The following USP49 variants were observed in gnomAD, a reference collection of about 807,000 sequenced individuals.
The protein encoded by USP49 is ubiquitin specific peptidase 49.
In USP49, 24 loss-of-function variants were observed where a neutral mutation model predicts 58.6. That is an observed-to-expected ratio of 0.41 (90% CI 0.30 to 0.58). USP49 has a LOEUF of 0.58. Ranked by LOEUF, USP49 falls within the 20% of genes least tolerant of loss-of-function variation. USP49 has a pLI of 0.30. For synonymous variants in USP49, 408 were observed against 365.1 expected (o/e 1.12, Z -1.34); for missense variants, 703 against 866.1 (o/e 0.81, Z 2.36).
chr6:41,803,942 G>A lies in USP49; in HGVS notation c.1425C>T (p.Phe475=), dbSNP rs1561903133. The A allele has an allele frequency of 6.2e-7, 1 of 1,614,112 alleles. No homozygotes were observed. Among genetic ancestry groups the A allele is most frequent in the Admixed American group, 1.7e-5 (1 of 60,018 alleles). The change falls in exon 5 of 8, where the codon TTC becomes TTT. Residue 475 remains phenylalanine (F), a synonymous_variant. Transcript: ENST00000682992. The surrounding 1 kb of genome is among the most constrained non-coding windows in gnomAD (Gnocchi z 4.1). The part of the protein sequence containing the change: ...IEPFWDLSLE[F]PERYHCIEKG... The stretch of plus-strand genomic sequence containing the variant: ...TTTCTATGCAGTGATAGCGTTCAGG[G>A]AATTCCAGGGATAGGTCCCAAAAGG...
At chr6:41,849,441 CA>C (rs1386751869) in intron 3 of USP49, among the ~76,000 whole-genome samples, 1 of 151,972 alleles carries the variant, frequency 6.6e-6, no homozygotes, top group Non-Finnish European at 1.5e-5. Flanking sequence ...CATTATACAC[CA>C]AATGGACCTA....
Position 41,806,019 on chromosome 6 carries a change from G to C in USP49, c.965C>G (p.Ala322Gly). The change falls in exon 4 of 8, where the codon GCC (alanine) becomes GGC (glycine). Residue 322 changes from alanine (A) to glycine (G), a missense_variant. Ala to Gly is a moderately conservative substitution (Grantham distance 60). Around this residue, in one of 6 missense-constraint regions of USP49, gnomAD observed 97 missense variants for 88.0 expected, o/e 1.10. Transcript: ENST00000682992. This position sits in a 1 kb window ranked among gnomAD's most constrained non-coding sequence, Gnocchi z 5.9. ...ATELSLRNDR[A>G]EACEREGFCW... ...GAAGCCCTCCCGCTCGCATGCCTCG[G>C]CCCTGTCATTTCTCAAGGACAGCTC... is the stretch of plus-strand genomic sequence containing the variant. 6.2e-7 allele frequency: 1 copy of C among 1,613,938 alleles called. No individual in the cohort carries two copies. The highest frequency in any genetic ancestry group is 8.5e-7 in the Non-Finnish European group (1 of 1,180,030).
intron 3 of USP49, among the ~76,000 whole-genome samples, chr6:41,854,470 G>A (rs1004457186): frequency 6.6e-6 from 1 of 151,996 alleles, no homozygotes; most frequent in African/African-American, 2.4e-5. Flanking sequence ...TCTACCAGTC[G>A]AGATGAATGA....
At chr6:41,886,863 C>T (rs887840940) in intron 2 of USP49, among the ~76,000 whole-genome samples, 1 of 152,214 alleles carries the variant, frequency 6.6e-6, no homozygotes, top group African/African-American at 2.4e-5. Context: ...CGCACCACTG[C>T]ACTCCAGCCT....
intron 3 of USP49, among the ~76,000 whole-genome samples, chr6:41,871,237 T>C (rs1464496516): frequency 1.3e-5 from 2 of 152,122 alleles, no homozygotes; most frequent in Non-Finnish European, 2.9e-5. Context: ...GGGTAGATAA[T>C]TACTCTTGAC....
Position 41,790,697 on chromosome 6 carries a change from T to C in USP49, c.*5836A>G, listed in dbSNP as rs1362692661. ...CAGGACAAAATAGTCTTTCCTGACC[T>C]TGCTGGCATAAATATTAAGAAAATT... On this transcript the variant is annotated 3_prime_UTR_variant, in exon 8 of 8. Coordinates refer to ENST00000682992, the MANE Select transcript of USP49 (RefSeq NM_001286554.2). The C allele has an allele frequency of 3.3e-5, 5 of 152,224 alleles. No homozygotes were observed. The highest frequency in any genetic ancestry group is 7.3e-5 in the Non-Finnish European group (5 of 68,030). The allele number at this position is 152,224 out of a possible 1,614,324, so 9.4% of individuals were successfully genotyped here.
chr6:41,806,388 T>C lies in USP49; in HGVS notation c.596A>G (p.Glu199Gly), dbSNP rs1299014118. Reference protein sequence around the residue: ...RREVKRRLLEELASTPPRKSA... With the variant: ...RREVKRRLLEGLASTPPRKSA... Reference sequence around the variant, plus strand: ...CTTGCGCGGAGGGGTGCTGGCCAGCTCCTCCAGCAGCCGCCGTTTCACCTC... The same window carrying C: ...CTTGCGCGGAGGGGTGCTGGCCAGCCCCTCCAGCAGCCGCCGTTTCACCTC... Residue 199 changes from glutamate (E) to glycine (G), a missense_variant, in exon 4 of 8, where the codon GAG becomes GGG. Coordinates refer to ENST00000682992, the MANE Select transcript of USP49 (RefSeq NM_001286554.2). This position sits in a 1 kb window ranked among gnomAD's most constrained non-coding sequence, Gnocchi z 5.9. 1 of 1,552,164 alleles carries C rather than the reference T, an allele frequency of 6.4e-7. No homozygotes were observed. Among genetic ancestry groups the C allele is most frequent in the South Asian group, 1.2e-5 (1 of 83,064 alleles).
chr6:41,877,517 C>A (rs555371256), intron 2 of USP49, among the ~76,000 whole-genome samples: 1 of 151,480 alleles, frequency 6.6e-6, no homozygotes, highest in Admixed American at 6.6e-5. Flanking sequence ...GTACAAAGGA[C>A]ATATTAATAT....
intron 2 of USP49, among the ~76,000 whole-genome samples, chr6:41,883,764 A>G (rs775165479): frequency 5.2e-4 from 79 of 152,176 alleles, no homozygotes; most frequent in Non-Finnish European, 1.1e-3. Context: ...AGCTTATACA[A>G]CCATTCAACA....
In USP49 at chr6:41,802,228, A is replaced by C. The variant is rs1035185567; in HGVS notation, c.1561+1578T>G. ...TCCCTAAAAGAGGTCTTGCTATGCC[A>C]CCAGGCTGGTCTCAAACTCCTGGCT... On this transcript the variant is annotated intron_variant, in intron 5 of 7. Transcript: ENST00000682992. Among the ~76,000 whole-genome samples the C allele has an allele frequency of 7.9e-5, 12 of 151,588 alleles. No homozygotes were observed. The East Asian group carries it at 1.5e-3, about 20-fold the overall frequency.
intron 3 of USP49, among the ~76,000 whole-genome samples, chr6:41,840,549 AAG>A (rs1370877183): frequency 6.6e-6 from 1 of 152,108 alleles, no homozygotes; most frequent in Non-Finnish European, 1.5e-5. Context: ...GGAAATGGGA[AAG>A]AGAGGAGGAA....
At chr6:41,825,333 GA>G (rs1156786538) in intron 3 of USP49, among the ~76,000 whole-genome samples, 2 of 151,670 alleles carry the variant, frequency 1.3e-5, no homozygotes, top group Admixed American at 6.6e-5. Flanking sequence ...TTGACAGAAA[GA>G]AACTGAAGAG....
At chr6:41,883,454 C>T (rs1774650298) in intron 2 of USP49, among the ~76,000 whole-genome samples, 1 of 149,076 alleles carries the variant, frequency 6.7e-6, no homozygotes, top group African/African-American at 2.5e-5. Flanking sequence ...GTCAGGAGTT[C>T]GAAACCAGCC....
intron 3 of USP49, among the ~76,000 whole-genome samples, chr6:41,831,641 A>G (rs1470724086): frequency 6.6e-6 from 1 of 151,792 alleles, no homozygotes; most frequent in Non-Finnish European, 1.5e-5. Flanking sequence ...ATTTTTCTTC[A>G]CCACTAACTC....
rs1774130229 is a variant in USP49, at chr6:41,856,291, C to T, written c.-29+15273G>A. ...TCGGAAGGCTGAGTCAGGAGAATGGCGTGAACTCGGGAGGCGGAGCTTGCA... is the reference window on the plus strand; with the variant it reads ...TCGGAAGGCTGAGTCAGGAGAATGGTGTGAACTCGGGAGGCGGAGCTTGCA... On this transcript the variant is annotated intron_variant, in intron 3 of 7. Transcript: ENST00000682992. Among the ~76,000 whole-genome samples the T allele has an allele frequency of 2.6e-5, 4 of 151,262 alleles. No homozygotes were observed. The South Asian group carries it at 8.4e-4, about 32-fold the overall frequency.
At chr6:41,854,038 C>T (rs1353748982) in intron 3 of USP49, among the ~76,000 whole-genome samples, 2 of 148,182 alleles carry the variant, frequency 1.3e-5, no homozygotes, top group Non-Finnish European at 3.0e-5. Context: ...CAGGGTAGGC[C>T]AGGAGGGGTG....
chr6:41,802,427 A>ATTTT (rs376541033), intron 5 of USP49, among the ~76,000 whole-genome samples: 5 of 81,196 alleles, frequency 6.2e-5, no homozygotes, highest in Non-Finnish European at 8.3e-5. Context: ...ATTTTATTTT[A>ATTTT]TTTTATTTAT....
chr6:41,874,719 T>C (rs1041299015), intron 2 of USP49, among the ~76,000 whole-genome samples: 1 of 152,108 alleles, frequency 6.6e-6, no homozygotes, highest in Non-Finnish European at 1.5e-5. Flanking sequence ...TCCCAGCACT[T>C]TGGGAGGCCA....
chr6:41,820,518 TAG>T (rs1179975126), intron 3 of USP49, among the ~76,000 whole-genome samples: 1 of 151,952 alleles, frequency 6.6e-6, no homozygotes, highest in African/African-American at 2.4e-5. Context: ...GATATATTTA[TAG>T]GTGAAATATT....
Sources: allele counts gnomAD v4.1 joint callset (sites outside exome capture counted in the v4.1 genomes callset), GRCh38; gene constraint gnomAD v4.1.1; regional missense constraint gnomAD v4.1.1; non-coding constraint Gnocchi (gnomAD v3.1); transcripts MANE v1.5; gene names NCBI Gene and HGNC (gene_info 2026-07-23, HGNC 2026-07-21).